The following ZFHX4 variants were observed in gnomAD, a reference collection of about 807,000 sequenced individuals.
ZFHX4 encodes zinc finger homeobox protein 4.
A neutral mutation model predicts 267.6 loss-of-function variants in ZFHX4; 56 were observed. That is an observed-to-expected ratio of 0.21 (90% CI 0.17 to 0.26). ZFHX4 has a LOEUF of 0.26. Ranked by LOEUF, ZFHX4 falls within the 10% of genes least tolerant of loss-of-function variation. ZFHX4 has a pLI of 1.00. For synonymous variants in ZFHX4, 1,778 were observed against 1,665.6 expected, an observed-to-expected ratio of 1.07 and a Z score of -1.64; for missense variants, 4,332 against 4,420.0, an observed-to-expected ratio of 0.98 and a Z score of 0.56.
At chr8:76,769,518 T>C (rs894043592) in intron 3 of ZFHX4, among the ~76,000 whole-genome samples, 1 of 152,028 alleles carries the variant, frequency 6.6e-6, no homozygotes, top group Non-Finnish European at 1.5e-5. Context: ...GCCTGGCTAA[T>C]TTTTGTATTT....
intron 4 of ZFHX4, among the ~76,000 whole-genome samples, chr8:76,825,530 T>C (rs955454225): frequency 1.1e-4 from 17 of 152,340 alleles, no homozygotes; most frequent in African/African-American, 4.1e-4. Flanking sequence ...AGTTGGCAAT[T>C]TTATGTCACT....
intron 3 of ZFHX4, among the ~76,000 whole-genome samples, chr8:76,750,273 A>C (rs1809578512): frequency 6.6e-6 from 1 of 152,136 alleles, no homozygotes. Flanking sequence ...CTGTATATAA[A>C]GATTTACATT....
At chr8:76,819,791 G>GAT (rs1368320662) in intron 4 of ZFHX4, among the ~76,000 whole-genome samples, 2 of 152,128 alleles carry the variant, frequency 1.3e-5, no homozygotes, top group East Asian at 3.9e-4. Context: ...TAATTTTGTG[G>GAT]ATATATATAA....
intron 1 of ZFHX4, chr8:76,682,520 A>G (rs2131567080): frequency 6.6e-6 from 1 of 152,176 alleles, no homozygotes; most frequent in South Asian, 2.1e-4. Context: ...GTCCGTTAGG[A>G]GGCGGGATCG....
chr8:76,791,165 C>T (rs1161825977), intron 4 of ZFHX4, among the ~76,000 whole-genome samples: 2 of 152,080 alleles, frequency 1.3e-5, no homozygotes, highest in Non-Finnish European at 2.9e-5. Context: ...TTTTCCTTGC[C>T]ATTCATTGAG....
At chr8:76,806,051 A>G (rs1811236367) in intron 4 of ZFHX4, among the ~76,000 whole-genome samples, 1 of 152,136 alleles carries the variant, frequency 6.6e-6, no homozygotes, top group South Asian at 2.1e-4. Flanking sequence ...CAGAAATTAG[A>G]TAACCTTCAT....
chr8:76,863,341 C>G lies in ZFHX4; in HGVS notation c.9627C>G (p.Ala3209=). 1 of 1,613,712 alleles carries G rather than the reference C, an allele frequency of 6.2e-7. No homozygotes were observed. Among genetic ancestry groups the G allele is most frequent in the Non-Finnish European group, 8.5e-7 (1 of 1,179,814 alleles). The change falls in exon 11 of 11, where the codon GCC becomes GCG. Residue 3209 remains alanine, a synonymous_variant. Transcript: ENST00000651372. The part of the protein sequence containing the change: ...VKKIKEEELE[A]TKPEKHPKKE... ...AAATCAAAGAGGAGGAATTAGAGGC[C>G]ACCAAACCCGAAAAACACCCCAAAA...
At chr8:76,859,708 G>C (rs1475257532) in intron 10 of ZFHX4, among the ~76,000 whole-genome samples, 1 of 151,900 alleles carries the variant, frequency 6.6e-6, no homozygotes, top group African/African-American at 2.4e-5. Context: ...GCACATTTGG[G>C]GTAAATGTAG....
chr8:76,745,528 T>C (rs1297988635), intron 3 of ZFHX4, among the ~76,000 whole-genome samples: 1 of 152,058 alleles, frequency 6.6e-6, no homozygotes, highest in Admixed American at 6.6e-5. Flanking sequence ...AAAATGATAA[T>C]AGTTGAAAAG....
intron 3 of ZFHX4, among the ~76,000 whole-genome samples, chr8:76,765,795 C>G (rs1810036293): frequency 1.3e-5 from 2 of 151,960 alleles, no homozygotes; most frequent in Non-Finnish European, 2.9e-5. Context: ...TTCAAAACAA[C>G]CCCATGAGGC....
Position 76,850,233 on chromosome 8 carries a change from T to C in ZFHX4, c.3847-12T>C. ...GGGGTACATTTAACATAAACCCCTT[T>C]GGTTTCCAAAGGTGCCTGTCCCTGA... is the stretch of plus-strand genomic sequence containing the variant. On this transcript the variant is annotated splice_polypyrimidine_tract_variant and intron_variant, in intron 8 of 10. Coordinates refer to ENST00000651372, the MANE Select transcript of ZFHX4 (RefSeq NM_024721.5). 6.2e-7 allele frequency: 1 copy of C among 1,604,262 alleles called. No individual in the cohort carries two copies. The highest frequency in any genetic ancestry group is 8.5e-7 in the Non-Finnish European group (1 of 1,174,558).
chr8:76,749,946 T>C (rs1478957214), intron 3 of ZFHX4, among the ~76,000 whole-genome samples: 1 of 152,194 alleles, frequency 6.6e-6, no homozygotes, highest in Non-Finnish European at 1.5e-5. Context: ...TGCATGCTAT[T>C]TCAAAGCTAT....
chr8:76,833,561 A>G (rs1488393493), intron 5 of ZFHX4, 155 bp downstream of exon 5: 1 of 591,446 alleles, frequency 1.7e-6, no homozygotes, highest in Non-Finnish European at 2.9e-6. Context: ...AATGAAATAA[A>G]TTCAATAATT....
rs773709312 is a variant in ZFHX4, at chr8:76,707,998, C to T, written c.3043C>T (p.Arg1015Cys). The change falls in exon 3 of 11, where the codon CGC becomes TGC. Residue 1015 changes from arginine to cysteine, a missense_variant. Arg to Cys is a radical substitution (Grantham distance 180, BLOSUM62 -3). Around this residue, in one of 7 missense-constraint regions of ZFHX4, gnomAD observed 1,371 missense variants for 1,423.1 expected, o/e 0.96. Coordinates refer to ENST00000651372, the MANE Select transcript of ZFHX4 (RefSeq NM_024721.5). ...DYYTNSVDKL[R>C]LHTTNHRHEA... ...TTACACCAACAGTGTGGATAAATTA[C>T]GCTTGCATACCACCAATCACAGGCA... is the stretch of plus-strand genomic sequence containing the variant. 13 of 1,613,824 alleles carry T rather than the reference C, an allele frequency of 8.1e-6. No homozygotes were observed. The highest frequency in any genetic ancestry group is 2.7e-5 in the African/African-American group (2 of 74,900).
chr8:76,780,885 C>T (rs1810528607), intron 4 of ZFHX4, among the ~76,000 whole-genome samples: 1 of 151,932 alleles, frequency 6.6e-6, no homozygotes, highest in African/African-American at 2.4e-5. Flanking sequence ...TCTTAAGTAC[C>T]AGATTTTGTT....
At chr8:76,726,072 C>T (rs565765065) in intron 3 of ZFHX4, among the ~76,000 whole-genome samples, 4 of 152,192 alleles carry the variant, frequency 2.6e-5, no homozygotes, top group East Asian at 1.9e-4. Flanking sequence ...TTTGAGTGTA[C>T]CTTCACGAAG....
At chr8:76,840,474 C>A (rs1399837021) in intron 5 of ZFHX4, among the ~76,000 whole-genome samples, 1 of 152,198 alleles carries the variant, frequency 6.6e-6, no homozygotes, top group Non-Finnish European at 1.5e-5. Context: ...ACTTAAAACA[C>A]ATACCAGAAA....
chr8:76,778,508 CAA>C, intron 4 of ZFHX4, 69 bp downstream of exon 4: 16 of 1,165,846 alleles, frequency 1.4e-5, no homozygotes, highest in Non-Finnish European at 1.9e-5. Flanking sequence ...CACACACACA[CAA>C]ACACACACAC....
At chr8:76,688,826 A>C (rs1807755264) in intron 1 of ZFHX4, among the ~76,000 whole-genome samples, 1 of 152,156 alleles carries the variant, frequency 6.6e-6, no homozygotes, top group African/African-American at 2.4e-5. Flanking sequence ...CAAGGTTAGA[A>C]GATCTCATCA....
Sources: allele counts gnomAD v4.1 joint callset (sites outside exome capture counted in the v4.1 genomes callset), GRCh38; gene constraint gnomAD v4.1.1; regional missense constraint gnomAD v4.1.1; transcripts MANE v1.5; gene names NCBI Gene and HGNC (gene_info 2026-07-23, HGNC 2026-07-21).